ALK: variants seen among roughly 807,000 people sequenced by gnomAD.
ALK encodes the protein ALK tyrosine kinase receptor.
In ALK, 74 loss-of-function variants were observed where a neutral mutation model predicts 163.1. The observed-to-expected ratio is 0.45, with a 90% CI of 0.38 to 0.55. ALK has a LOEUF of 0.55. ALK is among the 20% of genes least tolerant of loss of function. The pLI is 0.00. For missense variants in ALK, 2,063 were observed against 2,105.3 expected, an observed-to-expected ratio of 0.98 and a Z score of 0.39; for synonymous variants, 960 against 843.2, an observed-to-expected ratio of 1.14 and a Z score of -2.40.
chr2:29,852,643 T>C (rs1365103360), intron 1 of ALK, among the ~76,000 whole-genome samples: 2 of 152,132 alleles, frequency 1.3e-5, no homozygotes, highest in African/African-American at 2.4e-5. Context: ...TGGTACACAA[T>C]CTAATGGGTA....
intron 28 of ALK, 113 bp downstream of exon 28, chr2:29,196,657 G>T (rs2148141391): frequency 1.2e-6 from 1 of 830,114 alleles, no homozygotes; most frequent in South Asian, 1.4e-5. Context: ...TCACTATTTT[G>T]ATCATAAATC....
chr2:29,788,603 A>G (rs1232479380), intron 1 of ALK, among the ~76,000 whole-genome samples: 2 of 152,210 alleles, frequency 1.3e-5, no homozygotes, highest in Non-Finnish European at 2.9e-5. Flanking sequence ...CAACCGATGC[A>G]GACTGAATTT....
intron 11 of ALK, among the ~76,000 whole-genome samples, chr2:29,260,389 T>G (rs138668602): frequency 9.7e-4 from 148 of 152,352 alleles, no homozygotes; most frequent in African/African-American, 3.2e-3. Flanking sequence ...ATCCTGTTTT[T>G]GTTTTCTTAT....
chr2:29,446,833 G>A (rs1573361967), intron 4 of ALK, among the ~76,000 whole-genome samples: 1 of 152,336 alleles, frequency 6.6e-6, no homozygotes, highest in African/African-American at 2.4e-5. Flanking sequence ...TCAGGAAGAA[G>A]AGTTTAAACT....
At position 29,884,319 on chromosome 2, in the gene ALK, G is replaced by T. The variant is rs113954434; in HGVS notation, c.667+35674C>A. ...ACCATGGGACCCATACAAAGTGACA[G>T]TAGTGATGCTGGAACTGCTCCCAAG... On this transcript the variant is annotated intron_variant, in intron 1 of 28. Transcript: ENST00000389048. 1.7e-3 allele frequency among the ~76,000 whole-genome samples: 256 copies of T among 152,308 alleles called. 1 individual carries two copies. Among genetic ancestry groups the T allele is most frequent in the African/African-American group, 5.5e-3 (229 of 41,566 alleles).
intron 18 of ALK, among the ~76,000 whole-genome samples, chr2:29,226,155 A>C (rs548495979): frequency 1.3e-5 from 2 of 152,216 alleles, no homozygotes; most frequent in Admixed American, 1.3e-4. Flanking sequence ...CTGCAAACAA[A>C]TGGGTTATTT....
intron 7 of ALK, among the ~76,000 whole-genome samples, chr2:29,318,857 C>T (rs561513028): frequency 2.6e-5 from 4 of 152,256 alleles, no homozygotes; most frequent in African/African-American, 7.2e-5. Flanking sequence ...TGAGCCACTG[C>T]GCCTGGCCAA....
chr2:29,678,883 T>C (rs1224518364), intron 3 of ALK, among the ~76,000 whole-genome samples: 2 of 151,798 alleles, frequency 1.3e-5, no homozygotes, highest in Non-Finnish European at 2.9e-5. Flanking sequence ...AGGTGTTTAT[T>C]TGTCAGTTAG....
intron 4 of ALK, among the ~76,000 whole-genome samples, chr2:29,389,223 T>C (rs555218402): frequency 1.9e-4 from 29 of 152,292 alleles, no homozygotes; most frequent in East Asian, 1.4e-3. Flanking sequence ...GGTACCAAGA[T>C]TTTTAGTGAA....
intron 3 of ALK, among the ~76,000 whole-genome samples, chr2:29,603,180 C>A (rs149758704): frequency 1.3e-5 from 2 of 152,188 alleles, no homozygotes; most frequent in East Asian, 1.9e-4. Flanking sequence ...CATAGGTGGC[C>A]ACTCATAGAA....
At chr2:29,639,968 G>A (rs932573788) in intron 3 of ALK, among the ~76,000 whole-genome samples, 4 of 152,278 alleles carry the variant, frequency 2.6e-5, no homozygotes, top group South Asian at 2.1e-4. Flanking sequence ...GGGTCTTGAC[G>A]TTCAACTTAG....
intron 1 of ALK, among the ~76,000 whole-genome samples, chr2:29,775,974 G>A (rs1383660427): frequency 6.6e-6 from 1 of 152,164 alleles, no homozygotes; most frequent in African/African-American, 2.4e-5. Flanking sequence ...GTATACTAGG[G>A]TAACATCTGG....
At chr2:29,413,210 G>C (rs1297207988) in intron 4 of ALK, among the ~76,000 whole-genome samples, 1 of 152,220 alleles carries the variant, frequency 6.6e-6, no homozygotes, top group Non-Finnish European at 1.5e-5. Context: ...ACCATCAAGA[G>C]ACATGGTAAA....
intron 5 of ALK, among the ~76,000 whole-genome samples, chr2:29,381,624 G>C (rs1668898669): frequency 6.6e-6 from 1 of 152,146 alleles, no homozygotes; most frequent in African/African-American, 2.4e-5. Context: ...ATATAGACCA[G>C]GCATCCTGCA....
At chr2:29,673,736 G>C (rs1259790042) in intron 3 of ALK, among the ~76,000 whole-genome samples, 1 of 149,698 alleles carries the variant, frequency 6.7e-6, no homozygotes, top group Non-Finnish European at 1.5e-5. Context: ...TAGCTTGATG[G>C]GGATGGCATT....
At chr2:29,573,598 C>T in intron 3 of ALK, among the ~76,000 whole-genome samples, 1 of 152,238 alleles carries the variant, frequency 6.6e-6, no homozygotes, top group Middle Eastern at 3.4e-3. Context: ...ACTGGAACAC[C>T]GTCAGGCCCA....
chr2:29,861,537 T>C (rs1175528940), intron 1 of ALK, among the ~76,000 whole-genome samples: 7 of 152,002 alleles, frequency 4.6e-5, no homozygotes, highest in East Asian at 1.9e-4. Context: ...CTAGGAAAAA[T>C]GGATAAATTC....
At chr2:29,710,765 C>A (rs947080348) in intron 2 of ALK, among the ~76,000 whole-genome samples, 5 of 152,082 alleles carry the variant, frequency 3.3e-5, no homozygotes, top group African/African-American at 1.2e-4. Context: ...ACCTGCTTGG[C>A]CTTCCAAATT....
At chr2:29,795,756 A>G (rs1350399815) in intron 1 of ALK, among the ~76,000 whole-genome samples, 1 of 152,236 alleles carries the variant, frequency 6.6e-6, no homozygotes, top group Non-Finnish European at 1.5e-5. Context: ...GACTGATTTA[A>G]AAATACTAAA....
Sources: gnomAD v4.1 joint callset for allele counts (sites outside exome capture counted in the v4.1 genomes callset) on GRCh38, gnomAD v4.1.1 for gene constraint, MANE v1.5 for transcripts, NCBI Gene and HGNC (gene_info 2026-07-23, HGNC 2026-07-21) for gene names.